Variants in KIAA0825 observed in about 807,000 individuals in gnomAD.
KIAA0825 encodes KIAA0825.
A neutral mutation model predicts 147.6 loss-of-function variants in KIAA0825; 119 were observed. The observed-to-expected ratio is 0.81, with a 90% confidence interval of 0.69 to 0.94. The LOEUF (loss-of-function observed/expected upper bound fraction) is 0.94, where lower values mean the gene tolerates loss of function less well. Ranked by LOEUF, KIAA0825 falls within the 40% of genes least tolerant of loss-of-function variation. KIAA0825 has a pLI of 0.00. For missense variants in KIAA0825, 1,381 were observed against 1,472.7 expected, an observed-to-expected ratio of 0.94 and a Z score of 1.02; for synonymous variants, 470 against 518.1, an observed-to-expected ratio of 0.91 and a Z score of 1.26.
chr5:94,327,398 T>A (rs1780806410), intron 20 of KIAA0825, among the ~76,000 whole-genome samples: 1 of 152,066 alleles, frequency 6.6e-6, no homozygotes, highest in Non-Finnish European at 1.5e-5. Flanking sequence ...CTATAGGCAA[T>A]TCAGTATGAG....
At chr5:94,365,945 C>T (rs558834251) in intron 20 of KIAA0825, among the ~76,000 whole-genome samples, 46 of 152,270 alleles carry the variant, frequency 3.0e-4, no homozygotes, top group African/African-American at 1.1e-3. Flanking sequence ...GCAGACTCCG[C>T]GCTCAATAAA....
At chr5:94,301,621 T>C (rs1373046819) in intron 20 of KIAA0825, among the ~76,000 whole-genome samples, 6 of 152,066 alleles carry the variant, frequency 3.9e-5, no homozygotes, top group African/African-American at 1.4e-4. Context: ...TGAGACTAAG[T>C]ACTTAACGTA....
intron 5 of KIAA0825, among the ~76,000 whole-genome samples, chr5:94,487,981 T>C (rs549447750): frequency 6.6e-6 from 1 of 151,948 alleles, no homozygotes; most frequent in African/African-American, 2.4e-5. Context: ...AACAAAAAAA[T>C]GGCTCCATCT....
chr5:94,426,306 TAA>T (rs1754875565), intron 14 of KIAA0825, among the ~76,000 whole-genome samples: 1 of 152,102 alleles, frequency 6.6e-6, no homozygotes, highest in Admixed American at 6.6e-5. Flanking sequence ...GGATTCAACC[TAA>T]GTGTCCATCA....
intron 20 of KIAA0825, among the ~76,000 whole-genome samples, chr5:94,311,619 T>C (rs1779187234): frequency 6.6e-6 from 1 of 151,598 alleles, no homozygotes; most frequent in South Asian, 2.1e-4. Flanking sequence ...TAGATAAAAT[T>C]TCTTTTTATG....
intron 20 of KIAA0825, among the ~76,000 whole-genome samples, chr5:94,163,702 T>G (rs958463097): frequency 2.6e-5 from 4 of 152,162 alleles, no homozygotes; most frequent in Non-Finnish European, 5.9e-5. Context: ...ATAACAATAT[T>G]TAGGTCCTCA....
At chr5:94,569,229 A>G (rs1303231219) in intron 2 of KIAA0825, 12 of 237,140 alleles carry the variant, frequency 5.1e-5, no homozygotes, top group Admixed American at 4.5e-4. Context: ...CCCATGCCTC[A>G]GGATACTCCT....
intron 20 of KIAA0825, among the ~76,000 whole-genome samples, chr5:94,367,217 C>A (rs1363797699): frequency 2.0e-5 from 3 of 152,038 alleles, no homozygotes; most frequent in Admixed American, 2.0e-4. Context: ...TTTTTTACAC[C>A]TGTTGTAAGA....
chr5:94,476,273 G>A (rs1761884535), intron 7 of KIAA0825, among the ~76,000 whole-genome samples: 1 of 152,190 alleles, frequency 6.6e-6, no homozygotes, highest in African/African-American at 2.4e-5. Flanking sequence ...TTGGTTACCT[G>A]CATGATGGAA....
intron 20 of KIAA0825, among the ~76,000 whole-genome samples, chr5:94,275,055 G>A (rs570098604): frequency 6.6e-6 from 1 of 152,254 alleles, no homozygotes; most frequent in African/African-American, 2.4e-5. Flanking sequence ...ACGCTAGACT[G>A]CCAAAACAGT....
chr5:94,325,764 G>T (rs939162838), intron 20 of KIAA0825, among the ~76,000 whole-genome samples: 5 of 151,854 alleles, frequency 3.3e-5, no homozygotes, highest in African/African-American at 9.7e-5. Flanking sequence ...CTCAAGCAGA[G>T]AATTACATAC....
chr5:94,250,108 G>T (rs190199069), intron 20 of KIAA0825, among the ~76,000 whole-genome samples: 2 of 152,058 alleles, frequency 1.3e-5, no homozygotes, highest in East Asian at 3.9e-4. Flanking sequence ...ATGAACCAAT[G>T]ACTGAAGTTC....
At chr5:94,362,463 T>C (rs539732207) in intron 20 of KIAA0825, among the ~76,000 whole-genome samples, 1 of 152,206 alleles carries the variant, frequency 6.6e-6, no homozygotes, top group Non-Finnish European at 1.5e-5. Flanking sequence ...CTTTATCTCA[T>C]GTGGTGTTAC....
chr5:94,167,162 C>T (rs1015091327), intron 20 of KIAA0825, among the ~76,000 whole-genome samples: 10 of 152,102 alleles, frequency 6.6e-5, no homozygotes, highest in Admixed American at 3.3e-4. Context: ...CTTTCTGATA[C>T]GTTCTCCGGA....
chr5:94,375,733 T>C (rs541333654), intron 20 of KIAA0825, among the ~76,000 whole-genome samples: 2 of 152,232 alleles, frequency 1.3e-5, no homozygotes, highest in South Asian at 2.1e-4. Flanking sequence ...TGGTGGAAAG[T>C]CAGCAGGAGG....
intron 20 of KIAA0825, among the ~76,000 whole-genome samples, chr5:94,181,201 G>C (rs1326140914): frequency 6.6e-6 from 1 of 152,156 alleles, no homozygotes; most frequent in Non-Finnish European, 1.5e-5. Context: ...CATTAAGGAA[G>C]AGCATTTGCA....
chr5:94,367,930 GAAATGATTAGGT>G (rs1271212714), intron 20 of KIAA0825, among the ~76,000 whole-genome samples: 2 of 152,206 alleles, frequency 1.3e-5, no homozygotes, highest in Non-Finnish European at 2.9e-5. Context: ...CAGGAATAGA[GAAATGATTAGGT>G]AAATTGTGCT....
rs776484034 is a variant in KIAA0825, at chr5:94,471,638, C to T, written c.1549G>A (p.Val517Met). The change falls in exon 9 of 21, where the codon GTG (valine) becomes ATG (methionine). Residue 517 changes from valine (V) to methionine (M), a missense_variant. Coordinates refer to ENST00000682413, the MANE Select transcript of KIAA0825 (RefSeq NM_001145678.3). Reference protein sequence around the residue: ...DSFQEIRANLVEACCKVATAV... With the variant: ...DSFQEIRANLMEACCKVATAV... The stretch of plus-strand genomic sequence containing the variant: ...GTTGCCACTTTACAACAGGCCTCCA[C>T]CAAGTTTGCTCTAATTTCCTGAAAA... 115 of 1,551,972 alleles carry T rather than the reference C, an allele frequency of 7.4e-5. No individual in the cohort carries two copies. The highest frequency in any genetic ancestry group is 9.6e-5 in the Non-Finnish European group (110 of 1,147,090).
At position 94,520,572 on chromosome 5, in the gene KIAA0825, G is replaced by T; in HGVS notation, c.646C>A (p.Gln216Lys). ...AGAAGATTAGCCAACAGTTTATTCT[G>T]TATGTTTTGGTATTTGATTATAACT... ...SEVIIKYQNI[Q>K]NKLLANLLWN... The change falls in exon 5 of 21, where the codon CAG becomes AAG. Residue 216 changes from glutamine to lysine, a missense_variant. Transcript: ENST00000682413. 1 of 1,613,360 alleles carries T rather than the reference G, an allele frequency of 6.2e-7. No individual in the cohort carries two copies. The highest frequency in any genetic ancestry group is 8.5e-7 in the Non-Finnish European group (1 of 1,179,470).
Sources: gnomAD v4.1 joint callset for allele counts (sites outside exome capture counted in the v4.1 genomes callset) on GRCh38, gnomAD v4.1.1 for gene constraint, MANE v1.5 for transcripts, NCBI Gene and HGNC (gene_info 2026-07-23, HGNC 2026-07-21) for gene names.